The following TDRD10 variants were observed in gnomAD, a reference collection of about 807,000 sequenced individuals.
The protein encoded by TDRD10 is tudor domain-containing protein 10.
Under a neutral mutation model 48.0 loss-of-function variants are expected in TDRD10, and 40 were observed. That is an observed-to-expected ratio of 0.83 (90% confidence interval 0.65 to 1.09). The LOEUF (loss-of-function observed/expected upper bound fraction) is 1.09. Among genes scored for constraint, TDRD10 ranks in the 50% least tolerant of loss-of-function variants. The probability of loss-of-function intolerance (pLI) is 0.00; values close to 1 mark genes in which losing one functional copy is unlikely to be tolerated. For missense variants in TDRD10, 378 were observed against 434.7 expected, an observed-to-expected ratio of 0.87 and a Z score of 1.16; for synonymous variants, 162 against 170.4, an observed-to-expected ratio of 0.95 and a Z score of 0.38.
At chr1:154,520,604 A>G (rs918576114) in intron 5 of TDRD10, among the ~76,000 whole-genome samples, 7 of 152,214 alleles carry the variant, frequency 4.6e-5, no homozygotes, top group Admixed American at 1.3e-4. Context: ...AGACCTGGGT[A>G]TATTTTTGGT....
chr1:154,544,220 G>A, intron 9 of TDRD10, 110 bp downstream of exon 9: 5 of 1,566,330 alleles, frequency 3.2e-6, no homozygotes, highest in Non-Finnish European at 4.3e-6. Context: ...GGTAACTACG[G>A]TCTGATCCTG....
intron 6 of TDRD10, among the ~76,000 whole-genome samples, chr1:154,529,857 T>C (rs903040367): frequency 1.3e-5 from 2 of 152,194 alleles, no homozygotes; most frequent in Admixed American, 6.5e-5. Context: ...TTTCTTACTT[T>C]GTAATGTCCC....
chr1:154,514,919 G>A (rs566597678), intron 4 of TDRD10, among the ~76,000 whole-genome samples: 8 of 151,776 alleles, frequency 5.3e-5, no homozygotes, highest in African/African-American at 1.9e-4. Context: ...CCAGGCTAGA[G>A]TGCAGTGGCG....
At chr1:154,544,973 C>T in intron 11 of TDRD10, 24 bp downstream of exon 11, 1 of 1,611,712 alleles carries the variant, frequency 6.2e-7, no homozygotes, top group Non-Finnish European at 8.5e-7. Flanking sequence ...TATCTTCCTC[C>T]CAAGGGTTTC....
chr1:154,509,148 C>T (rs10752642), intron 4 of TDRD10, among the ~76,000 whole-genome samples: 115,135 of 146,390 alleles, frequency 0.79, 45,893 homozygotes, highest in East Asian at 0.92. Context: ...TGCCTGCAGT[C>T]TGGCATGCTT....
intron 4 of TDRD10, among the ~76,000 whole-genome samples, chr1:154,517,549 A>C (rs1253994274): frequency 6.6e-6 from 1 of 151,740 alleles, no homozygotes; most frequent in Admixed American, 6.6e-5. Context: ...CAGCCTCCCA[A>C]GTAGCTGGGA....
At chr1:154,529,281 C>G (rs1376341844) in intron 6 of TDRD10, among the ~76,000 whole-genome samples, 1 of 152,140 alleles carries the variant, frequency 6.6e-6, no homozygotes, top group East Asian at 1.9e-4. Flanking sequence ...GCCATGTTGG[C>G]CAGGCAGGTC....
At chr1:154,504,014 G>T (rs999535870) in intron 1 of TDRD10, among the ~76,000 whole-genome samples, 1 of 152,062 alleles carries the variant, frequency 6.6e-6, no homozygotes, top group Admixed American at 6.6e-5. Context: ...GAAATCTCCC[G>T]TCAATTAGCA....
At chr1:154,547,327 C>T (rs897982008) in intron 11 of TDRD10, 82 bp from the exon 12 acceptor site, 2 of 1,478,946 alleles carry the variant, frequency 1.4e-6, no homozygotes, top group Non-Finnish European at 1.9e-6. Context: ...TTCCCTGCAG[C>T]CCCCGCCTTT....
intron 3 of TDRD10, among the ~76,000 whole-genome samples, chr1:154,507,572 C>T (rs947052270): frequency 6.6e-6 from 1 of 152,164 alleles, no homozygotes; most frequent in Non-Finnish European, 1.5e-5. Flanking sequence ...TTCATTTGTG[C>T]CTTCTTCCAA....
chr1:154,507,441 C>T, intron 3 of TDRD10, 121 bp downstream of exon 3: 1 of 1,172,596 alleles, frequency 8.5e-7, no homozygotes, highest in Non-Finnish European at 1.2e-6. Context: ...TGCCTAGATT[C>T]TGCTCTTCCT....
At chr1:154,516,387 C>A (rs1693770497) in intron 4 of TDRD10, among the ~76,000 whole-genome samples, 1 of 151,690 alleles carries the variant, frequency 6.6e-6, no homozygotes. Flanking sequence ...GGGGCAGGGA[C>A]AAGTCTTCCA....
chr1:154,532,739 G>C (rs1053634423), intron 6 of TDRD10, among the ~76,000 whole-genome samples: 3 of 152,204 alleles, frequency 2.0e-5, no homozygotes, highest in African/African-American at 7.2e-5. Flanking sequence ...ACTAGATTTT[G>C]TATACACCTT....
Position 154,509,145 on chromosome 1 carries a change from A to G in TDRD10, c.141+664A>G, listed in dbSNP as rs187317245. 2.1e-3 allele frequency among the ~76,000 whole-genome samples: 286 copies of G among 134,470 alleles called. 1 individual carries two copies. The highest frequency in any genetic ancestry group is 7.7e-3 in the African/African-American group (279 of 36,330). 88.2% of individuals were successfully genotyped at this position (134,470 alleles called of 152,430 possible). A position where few individuals can be genotyped will look rare whatever the true frequency, so the allele number is the denominator to read the frequency against. On this transcript the variant is annotated intron_variant, in intron 4 of 12. Coordinates refer to ENST00000368482, the MANE Select transcript of TDRD10 (RefSeq NM_182499.4). ...ACTACATGCAAAATATTGTGCCTGC[A>G]GTCTGGCATGCTTAAAGATAAACAA...
intron 1 of TDRD10, among the ~76,000 whole-genome samples, chr1:154,505,701 T>A (rs969228918): frequency 2.0e-5 from 3 of 152,240 alleles, no homozygotes; most frequent in Admixed American, 6.5e-5. Context: ...AGGACTGAGT[T>A]ACCTCAGTGT....
intron 6 of TDRD10, among the ~76,000 whole-genome samples, chr1:154,524,341 A>AT (rs1694200497): frequency 1.3e-5 from 2 of 151,936 alleles, no homozygotes. Context: ...TAATTTTTGT[A>AT]TTTTTTGTAG....
At chr1:154,545,055 C>G in intron 11 of TDRD10, 106 bp downstream of exon 11, 1 of 1,446,638 alleles carries the variant, frequency 6.9e-7, no homozygotes, top group Non-Finnish European at 9.3e-7. Context: ...CAAGGTGCTT[C>G]AGTCTCTCTT....
At chr1:154,528,920 A>G (rs754910180) in intron 6 of TDRD10, among the ~76,000 whole-genome samples, 2 of 152,164 alleles carry the variant, frequency 1.3e-5, no homozygotes, top group Non-Finnish European at 2.9e-5. Flanking sequence ...ATGTTACATT[A>G]TTACATTATA....
chr1:154,522,211 G>T (rs1694096128), intron 6 of TDRD10, among the ~76,000 whole-genome samples: 1 of 152,140 alleles, frequency 6.6e-6, no homozygotes, highest in Non-Finnish European at 1.5e-5. Context: ...TTCTAGGCAG[G>T]AAGAAGGGGA....
Sources: allele counts gnomAD v4.1 joint callset (sites outside exome capture counted in the v4.1 genomes callset), GRCh38; gene constraint gnomAD v4.1.1; transcripts MANE v1.5; gene names NCBI Gene and HGNC (gene_info 2026-07-23, HGNC 2026-07-21).